Variants in PCDH9 observed in about 807,000 individuals in gnomAD.
The protein encoded by PCDH9 is protocadherin-9.
In PCDH9, 24 loss-of-function variants were observed where a neutral mutation model predicts 70.6. That is an observed-to-expected ratio of 0.34 (90% confidence interval 0.25 to 0.48). The LOEUF (loss-of-function observed/expected upper bound fraction) is 0.48, where lower values mean the gene tolerates loss of function less well. PCDH9 is among the 20% of genes least tolerant of loss of function. The pLI is 0.99. For synonymous variants in PCDH9, 562 were observed against 558.5 expected, an observed-to-expected ratio of 1.01 and a Z score of -0.09; for missense variants, 1,281 against 1,503.6, an observed-to-expected ratio of 0.85 and a Z score of 2.45.
chr13:66,547,322 C>T (rs1961250992), intron 4 of PCDH9, among the ~76,000 whole-genome samples: 1 of 152,064 alleles, frequency 6.6e-6, no homozygotes, highest in Non-Finnish European at 1.5e-5. Flanking sequence ...GAAAACAAAA[C>T]AAAGCAAAAC....
chr13:66,329,901 GAA>G (rs1321492208), intron 4 of PCDH9, among the ~76,000 whole-genome samples: 2 of 152,078 alleles, frequency 1.3e-5, no homozygotes, highest in African/African-American at 4.8e-5. Context: ...CTTATTATAA[GAA>G]AGTACTGCAT....
At chr13:66,678,967 T>C (rs1204243445) in intron 3 of PCDH9, among the ~76,000 whole-genome samples, 1 of 151,432 alleles carries the variant, frequency 6.6e-6, no homozygotes, top group African/African-American at 2.4e-5. Flanking sequence ...ACATCCAGTA[T>C]ATATATATGT....
chr13:66,397,442 ATG>A (rs1327686395), intron 4 of PCDH9, among the ~76,000 whole-genome samples: 14 of 132,682 alleles, frequency 1.1e-4, no homozygotes, highest in Admixed American at 1.7e-4. Flanking sequence ...GTATACATAT[ATG>A]TGTGTGTGTG....
intron 3 of PCDH9, among the ~76,000 whole-genome samples, chr13:66,759,154 A>G (rs960224479): frequency 1.3e-5 from 2 of 151,972 alleles, no homozygotes; most frequent in African/African-American, 2.4e-5. Context: ...TTTACTTTAC[A>G]TATGTAGCTG....
intron 3 of PCDH9, among the ~76,000 whole-genome samples, chr13:66,696,500 C>T (rs2078564405): frequency 1.3e-5 from 2 of 152,126 alleles, no homozygotes; most frequent in Non-Finnish European, 2.9e-5. Context: ...CATAAAGAAG[C>T]AGCAGTATGC....
At chr13:67,111,585 T>C (rs1243726372) in intron 2 of PCDH9, among the ~76,000 whole-genome samples, 3 of 152,332 alleles carry the variant, frequency 2.0e-5, no homozygotes, top group East Asian at 1.9e-4. Context: ...AAATTCACTG[T>C]TACATTACTT....
chr13:66,879,186 T>C (rs768458828), intron 3 of PCDH9, among the ~76,000 whole-genome samples: 1 of 152,154 alleles, frequency 6.6e-6, no homozygotes, highest in Admixed American at 6.5e-5. Flanking sequence ...AAAATCTATA[T>C]ATATGCACAA....
intron 2 of PCDH9, among the ~76,000 whole-genome samples, chr13:66,942,595 G>T (rs1301112752): frequency 6.6e-6 from 1 of 151,976 alleles, no homozygotes; most frequent in African/African-American, 2.4e-5. Context: ...GTTGATGAAA[G>T]CGTCATCTCT....
intron 3 of PCDH9, among the ~76,000 whole-genome samples, chr13:66,852,132 G>T (rs1459988814): frequency 1.3e-5 from 2 of 152,024 alleles, no homozygotes; most frequent in Non-Finnish European, 2.9e-5. Flanking sequence ...TGGGGGTCAA[G>T]ACTTCAACAT....
At chr13:66,357,325 C>A (rs1240376895) in intron 4 of PCDH9, among the ~76,000 whole-genome samples, 1 of 151,938 alleles carries the variant, frequency 6.6e-6, no homozygotes, top group Non-Finnish European at 1.5e-5. Context: ...TAAATCAGTA[C>A]ATGGTTGAAA....
At chr13:66,310,220 G>T (rs1296727444) in intron 4 of PCDH9, among the ~76,000 whole-genome samples, 2 of 151,892 alleles carry the variant, frequency 1.3e-5, no homozygotes, top group Non-Finnish European at 2.9e-5. Context: ...ATAATGAAAA[G>T]CTTCTGGAAA....
At chr13:66,399,801 G>A (rs553026231) in intron 4 of PCDH9, among the ~76,000 whole-genome samples, 2 of 152,028 alleles carry the variant, frequency 1.3e-5, no homozygotes, top group Non-Finnish European at 2.9e-5. Context: ...AAATATCTTA[G>A]TCTGGGTGAC....
At chr13:66,710,018 T>G (rs1233892522) in intron 3 of PCDH9, among the ~76,000 whole-genome samples, 1 of 152,110 alleles carries the variant, frequency 6.6e-6, no homozygotes, top group Non-Finnish European at 1.5e-5. Context: ...TTTTAGACAG[T>G]TGAGGGTTAA....
intron 3 of PCDH9, among the ~76,000 whole-genome samples, chr13:66,699,595 A>G (rs555074420): frequency 6.6e-6 from 1 of 152,286 alleles, no homozygotes; most frequent in East Asian, 1.9e-4. Context: ...AAGAAACGCC[A>G]TGGTTGGCCA....
At chr13:66,967,125 C>T (rs1243320474) in intron 2 of PCDH9, among the ~76,000 whole-genome samples, 1 of 152,026 alleles carries the variant, frequency 6.6e-6, no homozygotes, top group African/African-American at 2.4e-5. Context: ...ATACTATACT[C>T]TGTCAAACAT....
chr13:66,657,770 A>C (rs568128012), intron 3 of PCDH9, among the ~76,000 whole-genome samples: 1 of 152,290 alleles, frequency 6.6e-6, no homozygotes, highest in South Asian at 2.1e-4. Flanking sequence ...GTGAGTGTAA[A>C]GCATCACCAC....
chr13:66,637,285 A>G (rs1427700680), intron 3 of PCDH9, among the ~76,000 whole-genome samples: 4 of 152,202 alleles, frequency 2.6e-5, no homozygotes, highest in Admixed American at 2.6e-4. Flanking sequence ...ACTTAAGGGT[A>G]ACAAATATTA....
Position 67,127,935 on chromosome 13 carries a change from G to T in PCDH9, c.3036+97470C>A, listed in dbSNP as rs1451354281. The stretch of plus-strand genomic sequence containing the variant: ...GCTTCTATTATTTTTCTTTCCAGAT[G>T]TACTAGATGTTTTGAGATCTCTTTG... On this transcript the variant is annotated intron_variant, in intron 2 of 4. Coordinates refer to ENST00000377865, the MANE Select transcript of PCDH9 (RefSeq NM_203487.3). Among the ~76,000 whole-genome samples the T allele has an allele frequency of 3.3e-5, 5 of 151,998 alleles. No homozygotes were observed. The East Asian group carries it at 7.7e-4, about 23-fold the overall frequency.
At chr13:66,355,212 A>G (rs1172910038) in intron 4 of PCDH9, among the ~76,000 whole-genome samples, 1 of 152,100 alleles carries the variant, frequency 6.6e-6, no homozygotes, top group East Asian at 1.9e-4. Context: ...TGAGAAAGCA[A>G]GTACAGTTGG....
Sources: gnomAD v4.1 joint callset for allele counts (sites outside exome capture counted in the v4.1 genomes callset) on GRCh38, gnomAD v4.1.1 for gene constraint, MANE v1.5 for transcripts, NCBI Gene and HGNC (gene_info 2026-07-23, HGNC 2026-07-21) for gene names.